SKAP1: variants seen among roughly 807,000 people sequenced by gnomAD.
SKAP1 encodes src kinase-associated phosphoprotein 1.
SKAP1 carries 44 observed loss-of-function variants against 58.5 expected under a neutral mutation model. The ratio of observed to expected loss-of-function variants is 0.75; its 90% CI spans 0.59 to 0.97. SKAP1 has a LOEUF of 0.97. Ranked by LOEUF, SKAP1 falls within the 50% of genes least tolerant of loss-of-function variation. SKAP1 has a pLI of 0.00. For missense variants in SKAP1, 390 were observed against 435.2 expected (o/e 0.90, Z 0.92); for synonymous variants, 127 against 149.7 (o/e 0.85, Z 1.11).
intron 3 of SKAP1, among the ~76,000 whole-genome samples, chr17:48,362,412 C>A (rs1368001911): frequency 5.9e-5 from 9 of 152,238 alleles, no homozygotes; most frequent in African/African-American, 9.6e-5. Context: ...CCATTCATTT[C>A]TGCCAGTTCA....
At chr17:48,137,066 A>G (rs780487107) in intron 12 of SKAP1, 163 bp downstream of exon 12, 8 of 539,988 alleles carry the variant, frequency 1.5e-5, no homozygotes, top group Non-Finnish European at 2.7e-5. Flanking sequence ...GAAAAAAACA[A>G]TTCCAGAGGC....
At chr17:48,214,986 A>C (rs548115696) in intron 4 of SKAP1, among the ~76,000 whole-genome samples, 1 of 105,188 alleles carries the variant, frequency 9.5e-6, no homozygotes, top group South Asian at 4.8e-4. Context: ...GCATTCCACT[A>C]TGTTGGTCAG....
rs769764579 is a variant in SKAP1, at chr17:48,410,702, G to A, written c.47-13917C>T. Among the ~76,000 whole-genome samples, 22 of 152,056 alleles carry A rather than the reference G, an allele frequency of 1.4e-4. No individual in the cohort carries two copies. In the South Asian group the frequency reaches 2.7e-3, roughly 19 times the overall value. On this transcript the variant is annotated intron_variant, in intron 1 of 12. Transcript: ENST00000336915. Reference sequence around the variant, plus strand: ...AGCACTTTGGGAGGCCAAGGTGGGCGGATCACTTGAGGTGAGGAGTTTGAA... The same window carrying A: ...AGCACTTTGGGAGGCCAAGGTGGGCAGATCACTTGAGGTGAGGAGTTTGAA...
chr17:48,407,501 G>A (rs1319300674), intron 1 of SKAP1, among the ~76,000 whole-genome samples: 3 of 151,966 alleles, frequency 2.0e-5, no homozygotes, highest in African/African-American at 4.8e-5. Flanking sequence ...TTTCACATAC[G>A]GTTTTATTTT....
chr17:48,331,700 A>G (rs2066509867), intron 4 of SKAP1, among the ~76,000 whole-genome samples: 1 of 151,900 alleles, frequency 6.6e-6, no homozygotes, highest in South Asian at 2.1e-4. Flanking sequence ...CTCCGTCTCA[A>G]GGAAAAAAAA....
chr17:48,249,684 G>A (rs939826688), intron 4 of SKAP1, among the ~76,000 whole-genome samples: 7 of 151,438 alleles, frequency 4.6e-5, no homozygotes, highest in East Asian at 1.9e-4. Flanking sequence ...AACAAAACCC[G>A]GAAGCCCCCC....
intron 4 of SKAP1, chr17:48,307,412 C>T (rs1216672496): frequency 6.6e-6 from 1 of 152,294 alleles, no homozygotes; most frequent in Non-Finnish European, 1.5e-5. Context: ...CAGCCTTCCA[C>T]ACTTGGATCT....
chr17:48,289,769 A>G (rs1226272183), intron 4 of SKAP1, among the ~76,000 whole-genome samples: 5 of 150,858 alleles, frequency 3.3e-5, no homozygotes, highest in South Asian at 2.1e-4. Context: ...CTATGCACCA[A>G]TAAGTATATA....
intron 1 of SKAP1, among the ~76,000 whole-genome samples, chr17:48,420,614 C>T (rs1219303563): frequency 2.0e-5 from 3 of 152,178 alleles, no homozygotes; most frequent in Non-Finnish European, 4.4e-5. Context: ...ATAGGAATGC[C>T]TAATGCTCAA....
intron 4 of SKAP1, among the ~76,000 whole-genome samples, chr17:48,251,300 T>A (rs757409903): frequency 6.6e-6 from 1 of 152,226 alleles, no homozygotes; most frequent in Non-Finnish European, 1.5e-5. Flanking sequence ...TTATAAAGAC[T>A]GTTGGTTAAA....
intron 11 of SKAP1, among the ~76,000 whole-genome samples, chr17:48,158,189 A>G (rs2143236936): frequency 6.6e-6 from 1 of 150,714 alleles, no homozygotes; most frequent in Non-Finnish European, 1.5e-5. Context: ...AAAAAAAAAA[A>G]AAAAAAAAAT....
intron 4 of SKAP1, among the ~76,000 whole-genome samples, chr17:48,216,826 T>C (rs1423183728): frequency 6.6e-6 from 1 of 152,176 alleles, no homozygotes; most frequent in Non-Finnish European, 1.5e-5. Context: ...TTGCCCTCTC[T>C]TTTGTCAGAC....
chr17:48,254,857 T>C (rs2065405358), intron 4 of SKAP1, among the ~76,000 whole-genome samples: 1 of 152,112 alleles, frequency 6.6e-6, no homozygotes, highest in Non-Finnish European at 1.5e-5. Context: ...GCAAATACAA[T>C]TCTAACATCA....
At chr17:48,139,631 T>C (rs892205339) in intron 11 of SKAP1, among the ~76,000 whole-genome samples, 5 of 152,238 alleles carry the variant, frequency 3.3e-5, no homozygotes, top group Non-Finnish European at 5.9e-5. Flanking sequence ...TGGTGATATG[T>C]AAAATTCAGA....
At chr17:48,244,562 ATGC>A (rs2065274742) in intron 4 of SKAP1, among the ~76,000 whole-genome samples, 1 of 152,212 alleles carries the variant, frequency 6.6e-6, no homozygotes. Flanking sequence ...CAGCTGGGCC[ATGC>A]CAAGCAAGTT....
chr17:48,251,209 G>A (rs1030899868), intron 4 of SKAP1, among the ~76,000 whole-genome samples: 5 of 152,134 alleles, frequency 3.3e-5, no homozygotes, highest in African/African-American at 9.7e-5. Context: ...AAGTGAAAAC[G>A]GAATCTTCAC....
chr17:48,176,184 C>T (rs968516838), intron 9 of SKAP1, among the ~76,000 whole-genome samples: 1 of 152,154 alleles, frequency 6.6e-6, no homozygotes, highest in African/African-American at 2.4e-5. Context: ...GTGTGGGCAG[C>T]ATTGGAATGT....
chr17:48,425,292 A>G (rs768403191), intron 1 of SKAP1, among the ~76,000 whole-genome samples: 2 of 152,234 alleles, frequency 1.3e-5, no homozygotes, highest in Non-Finnish European at 2.9e-5. Context: ...GACAATAACA[A>G]GTGAAAAATT....
rs35868072 is a variant in SKAP1 at position 48,326,889 on chromosome 17, CTT to C, written c.280+19014_280+19015del. Among the ~76,000 whole-genome samples the C allele has an allele frequency of 5.5e-3, 669 of 121,580 alleles. 5 individuals carry two copies. The highest frequency in any genetic ancestry group is 0.039 in the East Asian group (170 of 4,326). The allele number at this position is 121,580 out of a possible 152,430, so 79.8% of individuals were successfully genotyped here. ...TGTGTGACAAGAAATTTCTTTCTTT[CTT>C]TTTTTTTTTTTTTTTTTTGAGATGG... On this transcript the variant is annotated intron_variant, in intron 4 of 12. Transcript: ENST00000336915.
Sources: allele counts gnomAD v4.1 joint callset (sites outside exome capture counted in the v4.1 genomes callset), GRCh38; gene constraint gnomAD v4.1.1; transcripts MANE v1.5; gene names NCBI Gene and HGNC (gene_info 2026-07-23, HGNC 2026-07-21).